Variants in SLC9A4 observed in about 807,000 individuals in gnomAD.
SLC9A4 encodes solute carrier family 9 member A4, also known as sodium/hydrogen exchanger 4.
A neutral mutation model predicts 67.4 loss-of-function variants in SLC9A4; 63 were observed. That is an observed-to-expected ratio of 0.93 (90% confidence interval 0.76 to 1.15). SLC9A4 has a LOEUF of 1.15. SLC9A4 is among the 50% of genes most tolerant of loss of function. The pLI is 0.00. For synonymous variants in SLC9A4, 393 were observed against 367.2 expected (o/e 1.07, Z -0.80); for missense variants, 1,089 against 987.7 (o/e 1.10, Z -1.38).
chr2:102,473,807 ACTGCTAG>A lies in SLC9A4; in HGVS notation c.49_55del (p.Leu17TrpfsTer12). ...CTTACAGTCCTTGGAATTGTTTGCTACTGCTAGTGGCTCTTGAGTGTTCTGAAGCATC... is the reference window on the plus strand; with the variant it reads ...CTTACAGTCCTTGGAATTGTTTGCTATGGCTCTTGAGTGTTCTGAAGCATC... On this transcript the variant is annotated frameshift_variant, in exon 1 of 12. Coordinates refer to ENST00000295269, the MANE Select transcript of SLC9A4 (RefSeq NM_001011552.4). LOFTEE classifies it high-confidence loss of function. 1 of 1,614,108 alleles carries A rather than the reference ACTGCTAG, an allele frequency of 6.2e-7. No homozygotes were observed.
At chr2:102,504,371 G>A (rs1685006452) in intron 3 of SLC9A4, among the ~76,000 whole-genome samples, 1 of 152,166 alleles carries the variant, frequency 6.6e-6, no homozygotes, top group Non-Finnish European at 1.5e-5. Flanking sequence ...TGACATTCCT[G>A]GGCTCTGCCT....
At chr2:102,485,224 G>T (rs1353159809) in intron 2 of SLC9A4, among the ~76,000 whole-genome samples, 1 of 152,176 alleles carries the variant, frequency 6.6e-6, no homozygotes, top group African/African-American at 2.4e-5. Flanking sequence ...TAAAGACACA[G>T]ATTCTCATAG....
chr2:102,520,535 CTTAG>C (rs1573354167), intron 9 of SLC9A4, among the ~76,000 whole-genome samples: 1 of 152,136 alleles, frequency 6.6e-6, no homozygotes, highest in Non-Finnish European at 1.5e-5. Flanking sequence ...GAAACTTTGA[CTTAG>C]TTAAATAATA....
At chr2:102,480,778 A>T (rs1447772366) in intron 2 of SLC9A4, among the ~76,000 whole-genome samples, 1 of 152,170 alleles carries the variant, frequency 6.6e-6, no homozygotes, top group Non-Finnish European at 1.5e-5. Context: ...AAGGTTATAG[A>T]TGGCCAAACA....
At chr2:102,495,667 G>A (rs946652116) in intron 2 of SLC9A4, among the ~76,000 whole-genome samples, 1 of 152,044 alleles carries the variant, frequency 6.6e-6, no homozygotes, top group Non-Finnish European at 1.5e-5. Context: ...AAAGAATAGA[G>A]ATATAGACTA....
At chr2:102,505,184 C>G in intron 3 of SLC9A4, 70 bp from the exon 4 acceptor site, 1 of 1,435,494 alleles carries the variant, frequency 7.0e-7, no homozygotes, top group Non-Finnish European at 9.6e-7. Context: ...GTGGCATTGC[C>G]TGTGGGGAGG....
chr2:102,476,563 C>T (rs1684336795), intron 1 of SLC9A4, among the ~76,000 whole-genome samples: 1 of 152,156 alleles, frequency 6.6e-6, no homozygotes, highest in Admixed American at 6.5e-5. Flanking sequence ...GAAGCAGGGC[C>T]AAACTGGGGA....
chr2:102,511,766 TTA>T (rs1223021997), intron 6 of SLC9A4, among the ~76,000 whole-genome samples: 2 of 151,898 alleles, frequency 1.3e-5, no homozygotes, highest in Non-Finnish European at 2.9e-5. Flanking sequence ...TTTTCAGAAA[TTA>T]TATGATTGGA....
intron 2 of SLC9A4, among the ~76,000 whole-genome samples, chr2:102,483,846 A>ACC: frequency 8.0e-6 from 1 of 125,294 alleles, no homozygotes. Flanking sequence ...ATATATACAC[A>ACC]CACACAATAT....
chr2:102,521,661 C>T (rs1573354958), intron 9 of SLC9A4, among the ~76,000 whole-genome samples: 1 of 152,200 alleles, frequency 6.6e-6, no homozygotes, highest in East Asian at 1.9e-4. Context: ...GAAAAGTCTA[C>T]CTGAAAATGC....
rs768537454 is a variant in SLC9A4, at chr2:102,505,305, C to T, written c.1032C>T (p.Ser344=). ...AAAAGTACGTGGAAGAAAACGTGTCCCAGACATCATACACGACCATCAAGT... is the reference window on the plus strand; with the variant it reads ...AAAAGTACGTGGAAGAAAACGTGTCTCAGACATCATACACGACCATCAAGT... The part of the protein sequence containing the change: ...TMKKYVEENV[S]QTSYTTIKYF... Residue 344 remains serine (S), a synonymous_variant, in exon 4 of 12, where the codon TCC becomes TCT. Coordinates refer to ENST00000295269, the MANE Select transcript of SLC9A4 (RefSeq NM_001011552.4). The T allele has an allele frequency of 6.2e-7, 1 of 1,614,130 alleles. No homozygotes were observed. Among genetic ancestry groups the T allele is most frequent in the Non-Finnish European group, 8.5e-7 (1 of 1,180,036 alleles).
intron 11 of SLC9A4, among the ~76,000 whole-genome samples, chr2:102,526,707 T>C (rs1221234981): frequency 5.9e-5 from 9 of 152,162 alleles, no homozygotes; most frequent in Admixed American, 2.6e-4. Context: ...GAGTGTTTCA[T>C]TGAAGTTCTA....
At chr2:102,483,626 A>T (rs1684513305) in intron 2 of SLC9A4, among the ~76,000 whole-genome samples, 1 of 151,858 alleles carries the variant, frequency 6.6e-6, no homozygotes, top group Admixed American at 6.6e-5. Context: ...TGAATATTTT[A>T]GGTTATGACA....
Position 102,473,673 on chromosome 2 carries a change from G to A in SLC9A4, c.-87G>A, listed in dbSNP as rs1684267733. ...TACCTATATTACTTTTGACCCAGGTGGATGCAGTCACTCTCTAGAAGCCTC... is the reference window on the plus strand; with the variant it reads ...TACCTATATTACTTTTGACCCAGGTAGATGCAGTCACTCTCTAGAAGCCTC... On this transcript the variant is annotated 5_prime_UTR_variant, in exon 1 of 12. Transcript: ENST00000295269. 3.3e-6 allele frequency: 5 copies of A among 1,528,202 alleles called. No individual in the cohort carries two copies. The highest frequency in any genetic ancestry group is 1.4e-5 in the African/African-American group (1 of 72,796). 94.7% of individuals were successfully genotyped at this position (1,528,202 alleles called of 1,614,324 possible). A position where few individuals can be genotyped will look rare whatever the true frequency, so the allele number is the denominator to read the frequency against.
chr2:102,531,391 C>T (rs1020494878), intron 11 of SLC9A4, among the ~76,000 whole-genome samples: 3 of 152,074 alleles, frequency 2.0e-5, no homozygotes, highest in Non-Finnish European at 2.9e-5. Flanking sequence ...TCCCAGGCAT[C>T]GGTTAGGGGT....
chr2:102,495,085 A>G (rs184101815), intron 2 of SLC9A4, among the ~76,000 whole-genome samples: 153 of 152,220 alleles, frequency 1.0e-3, no homozygotes, highest in Non-Finnish European at 1.3e-3. Context: ...ACATTTGACA[A>G]CTAAAGAAGC....
At chr2:102,494,202 C>A (rs1684760444) in intron 2 of SLC9A4, among the ~76,000 whole-genome samples, 1 of 151,820 alleles carries the variant, frequency 6.6e-6, no homozygotes. Context: ...TTCTTAAGGA[C>A]AGTTAAAAAT....
At chr2:102,525,771 G>A (rs1042994260) in intron 10 of SLC9A4, among the ~76,000 whole-genome samples, 1 of 152,108 alleles carries the variant, frequency 6.6e-6, no homozygotes, top group African/African-American at 2.4e-5. Context: ...TATCATGAGA[G>A]GGGAAGGAAA....
At chr2:102,516,079 G>C (rs987782813) in intron 8 of SLC9A4, among the ~76,000 whole-genome samples, 3 of 152,130 alleles carry the variant, frequency 2.0e-5, no homozygotes, top group Non-Finnish European at 4.4e-5. Context: ...TCTGCCGGGT[G>C]GCAAAGCATA....
Sources: allele counts gnomAD v4.1 joint callset (sites outside exome capture counted in the v4.1 genomes callset), GRCh38; gene constraint gnomAD v4.1.1; transcripts MANE v1.5; gene names NCBI Gene and HGNC (gene_info 2026-07-23, HGNC 2026-07-21).